Variants in EIF2D observed in about 807,000 individuals in gnomAD.
EIF2D encodes eukaryotic translation initiation factor 2D.
A neutral mutation model predicts 77.4 loss-of-function variants in EIF2D; 56 were observed. The ratio of observed to expected loss-of-function variants is 0.72; its 90% CI spans 0.58 to 0.90. The LOEUF (loss-of-function observed/expected upper bound fraction) is 0.90. Among genes scored for constraint, EIF2D ranks in the 40% least tolerant of loss-of-function variants. The pLI is 0.00. For synonymous variants in EIF2D, 230 were observed against 271.0 expected (o/e 0.85, Z 1.49); for missense variants, 574 against 706.5 (o/e 0.81, Z 2.13).
chr1:206,590,985 T>C (rs1669322044), downstream of EIF2D, among the ~76,000 whole-genome samples: 1 of 152,210 alleles, frequency 6.6e-6, no homozygotes, highest in South Asian at 2.1e-4. Flanking sequence ...GGGAATTTGA[T>C]GAAAGCATGG....
intron 2 of EIF2D, 90 bp downstream of exon 2, chr1:206,611,094 T>C: frequency 7.7e-7 from 1 of 1,291,188 alleles, no homozygotes; most frequent in Non-Finnish European, 1.1e-6. Context: ...GCTTGCTTAT[T>C]TTATGGGAGA....
chr1:206,593,587 C>G, intron 14 of EIF2D, 32 bp downstream of exon 14: 1 of 1,528,676 alleles, frequency 6.5e-7, no homozygotes, highest in Non-Finnish European at 8.9e-7. Context: ...TGAGCTAGAC[C>G]AATGCCTCCA....
intron 3 of EIF2D, among the ~76,000 whole-genome samples, 168 bp downstream of exon 3, chr1:206,609,208 C>A (rs562757771): frequency 6.6e-6 from 1 of 152,292 alleles, no homozygotes; most frequent in East Asian, 1.9e-4. Flanking sequence ...GCCAGAGGGG[C>A]CCAGAGATCT....
intron 2 of EIF2D, among the ~76,000 whole-genome samples, chr1:206,609,730 C>T (rs1414646059): frequency 6.6e-6 from 1 of 152,146 alleles, no homozygotes; most frequent in Admixed American, 6.5e-5. Context: ...GGCAGAGAAC[C>T]AATGAAGCTT....
At chr1:206,587,003 G>A, downstream of EIF2D, 7 of 1,613,640 alleles carry the variant, frequency 4.3e-6, no homozygotes, top group Non-Finnish European at 5.9e-6. Context: ...TCTCCTCCTG[G>A]TGCATTCAGA....
intron 11 of EIF2D, 49 bp from the exon 12 acceptor site, chr1:206,597,244 G>T: frequency 7.1e-7 from 1 of 1,413,348 alleles, no homozygotes; most frequent in South Asian, 1.2e-5. Context: ...TGTCCCTTCT[G>T]ACCTGAAGGC....
chr1:206,600,147 A>G, intron 8 of EIF2D, 116 bp downstream of exon 8: 1 of 1,090,750 alleles, frequency 9.2e-7, no homozygotes, highest in Non-Finnish European at 1.3e-6. Context: ...GGAGTCAAAA[A>G]GCTTAATTCT....
rs149405760 is a variant in EIF2D, at chr1:206,612,225, C to T, written c.56+62G>A. 912 of 1,608,598 alleles carry T rather than the reference C, an allele frequency of 5.7e-4. 5 individuals carry two copies. In the African/African-American group the frequency reaches 0.011, roughly 19 times the overall value. ...GGCCAAGAATAGCGAGGGCTATGGG[C>T]CAGCGGGGCCCAAGAGGTGTCTGGT... On this transcript the variant is annotated intron_variant, in intron 1 of 14. Coordinates refer to ENST00000271764, the MANE Select transcript of EIF2D (RefSeq NM_006893.3).
At chr1:206,608,410 A>G (rs542246646) in intron 3 of EIF2D, 84 bp from the exon 4 acceptor site, 2 of 1,130,534 alleles carry the variant, frequency 1.8e-6, no homozygotes, top group East Asian at 2.7e-5. Context: ...CACTCGCTCA[A>G]CAAAAAAATA....
At position 206,591,759 on chromosome 1, in the gene EIF2D, G is replaced by A; in HGVS notation, c.*16C>T. The A allele has an allele frequency of 1.2e-6, 2 of 1,613,562 alleles. No individual in the cohort carries two copies. The highest frequency in any genetic ancestry group is 1.7e-6 in the Non-Finnish European group (2 of 1,179,456). The stretch of plus-strand genomic sequence containing the variant: ...TGGATTTCCACCGGATCCACCACGT[G>A]AGACAAAAGAGTCTGTCACTTCTTC... On this transcript the variant is annotated 3_prime_UTR_variant, in exon 15 of 15. Coordinates refer to ENST00000271764, the MANE Select transcript of EIF2D (RefSeq NM_006893.3).
In EIF2D at chr1:206,599,134, C is replaced by T. The variant is rs375824441; in HGVS notation, c.1203-42G>A. The T allele has an allele frequency of 3.2e-5, 50 of 1,586,826 alleles. No individual in the cohort carries two copies. The highest frequency in any genetic ancestry group is 4.0e-5 in the African/African-American group (3 of 74,180). ...GACCCAGGGGTTAGTTCATGCTGTGCCATGAGACAAAAATGCAGATGCCCA... is the reference window on the plus strand; with the variant it reads ...GACCCAGGGGTTAGTTCATGCTGTGTCATGAGACAAAAATGCAGATGCCCA... On this transcript the variant is annotated intron_variant, in intron 10 of 14. Coordinates refer to ENST00000271764, the MANE Select transcript of EIF2D (RefSeq NM_006893.3). This position sits in a 1 kb window ranked among gnomAD's most constrained non-coding sequence, Gnocchi z 4.1.
chr1:206,594,601 C>T (rs1175535810), intron 13 of EIF2D: 1 of 152,160 alleles, frequency 6.6e-6, no homozygotes, highest in African/African-American at 2.4e-5. Flanking sequence ...CAATGAGCTC[C>T]AGACCCAGAA....
chr1:206,588,647 A>G (rs1553408232), downstream of EIF2D: 1 of 152,412 alleles, frequency 6.6e-6, no homozygotes, highest in Non-Finnish European at 1.5e-5. Flanking sequence ...CCCAGAAGGA[A>G]TGCTGACCCC....
intron 6 of EIF2D, 74 bp downstream of exon 6, chr1:206,602,877 G>T: frequency 6.4e-7 from 1 of 1,568,412 alleles, no homozygotes; most frequent in Non-Finnish European, 8.7e-7. Flanking sequence ...ATTCTAGTCA[G>T]CAGTGGAGTG....
intron 4 of EIF2D, among the ~76,000 whole-genome samples, chr1:206,607,675 G>T (rs1553412974): frequency 6.6e-6 from 1 of 151,870 alleles, no homozygotes; most frequent in African/African-American, 2.4e-5. Flanking sequence ...AAAGCATGAG[G>T]GTGATGAAAG....
At chr1:206,577,178 T>C (rs1553405342) in intron 4 of EIF2D, among the ~76,000 whole-genome samples, 1 of 152,014 alleles carries the variant, frequency 6.6e-6, no homozygotes, top group Non-Finnish European at 1.5e-5. Flanking sequence ...AATAGTAGAG[T>C]TGAATAGTGG....
At position 206,593,508 on chromosome 1, in the gene EIF2D, A is replaced by AGAGT. The variant is rs10533643; in HGVS notation, c.1684+110_1684+111insACTC. The AGAGT allele has an allele frequency of 6.1e-4, 244 of 401,444 alleles. 1 individual carries two copies. Among genetic ancestry groups the AGAGT allele is most frequent in the African/African-American group, 2.5e-3 (108 of 42,674 alleles). The allele number at this position is 401,444 out of a possible 1,614,324, so 24.9% of individuals were successfully genotyped here. ...GAGAGCGAGAGAGAGAGAGAGAGAG[A>AGAGT]GTGTGTGTGTGTGTGTGTGTGTGTG... On this transcript the variant is annotated intron_variant, in intron 14 of 14. Coordinates refer to ENST00000271764, the MANE Select transcript of EIF2D (RefSeq NM_006893.3).
At chr1:206,610,469 C>T (rs920526440) in intron 2 of EIF2D, among the ~76,000 whole-genome samples, 8 of 152,060 alleles carry the variant, frequency 5.3e-5, no homozygotes, top group Admixed American at 6.5e-5. Flanking sequence ...CAGTTAGCTA[C>T]GATCACACCA....
In EIF2D at chr1:206,584,066, A is replaced by C. The variant is rs567934563; in HGVS notation, c.139-2904T>G. On this transcript the variant is annotated intron_variant and NMD_transcript_variant, in intron 2 of 5. Coordinates refer to the EIF2D transcript ENST00000472709. This position sits in a 1 kb window ranked among gnomAD's most constrained non-coding sequence, Gnocchi z 4.9. ...TTCAGAGGTACAAACTAGAGTGGCT[A>C]CCCCACACCCTGCCTCTTACAATGG... is the stretch of plus-strand genomic sequence containing the variant. 2.6e-5 allele frequency among the ~76,000 whole-genome samples: 4 copies of C among 152,242 alleles called. No homozygotes were observed. The South Asian group carries it at 8.3e-4, about 32-fold the overall frequency.
Sources: gnomAD v4.1 joint callset for allele counts (sites outside exome capture counted in the v4.1 genomes callset) on GRCh38, gnomAD v4.1.1 for gene constraint, Gnocchi (gnomAD v3.1) non-coding constraint, MANE v1.5 for transcripts, NCBI Gene and HGNC (gene_info 2026-07-23, HGNC 2026-07-21) for gene names.